Variants in CAMK2B observed in about 807,000 individuals in gnomAD.
CAMK2B encodes calcium/calmodulin dependent protein kinase II beta, also known as calcium/calmodulin-dependent protein kinase type II subunit beta.
In CAMK2B, 27 loss-of-function variants were observed where a neutral mutation model predicts 93.7. That is an observed-to-expected ratio of 0.29 (90% CI 0.21 to 0.40). The LOEUF (loss-of-function observed/expected upper bound fraction) is 0.40, where lower values mean the gene tolerates loss of function less well. CAMK2B is among the 10% of genes least tolerant of loss of function. The pLI, the probability that CAMK2B is intolerant of heterozygous loss-of-function variation, is 1.00. For synonymous variants in CAMK2B, 374 were observed against 358.8 expected (o/e 1.04, Z -0.48); for missense variants, 568 against 895.8 (o/e 0.63, Z 4.67).
At position 44,248,744 on chromosome 7, in the gene CAMK2B, G is replaced by C. The variant is rs1166815096; in HGVS notation, c.342-1552C>G. 6.6e-6 allele frequency among the ~76,000 whole-genome samples: 1 copy of C among 152,334 alleles called. No individual in the cohort carries two copies. Among genetic ancestry groups the C allele is most frequent in the East Asian group, 1.9e-4 (1 of 5,190 alleles). On this transcript the variant is annotated intron_variant, in intron 5 of 23. Transcript: ENST00000395749. The surrounding 1 kb of genome is among the most constrained non-coding windows in gnomAD (Gnocchi z 4.1). Reference sequence around the variant, plus strand: ...CACCCGTCTTGGTCCCATCTGTACAGCGTCAGCCATTGCATTAAAAAGTGA... The same window carrying C: ...CACCCGTCTTGGTCCCATCTGTACACCGTCAGCCATTGCATTAAAAAGTGA...
intron 17 of CAMK2B, chr7:44,229,849 G>A (rs2096561664): frequency 4.5e-6 from 1 of 222,450 alleles, no homozygotes. Flanking sequence ...GGCGCACGGA[G>A]AGGGAGTGAC....
chr7:44,268,075 G>A (rs1174300282), intron 2 of CAMK2B: 1 of 152,270 alleles, frequency 6.6e-6, no homozygotes, highest in Non-Finnish European at 1.5e-5. Flanking sequence ...GAAAGACAGG[G>A]AAGAGAAGCA....
At chr7:44,281,813 C>T (rs1194227846) in intron 2 of CAMK2B, among the ~76,000 whole-genome samples, 1 of 152,170 alleles carries the variant, frequency 6.6e-6, no homozygotes, top group Non-Finnish European at 1.5e-5. Context: ...CTCATCGAAG[C>T]TGACCCTTGG....
In CAMK2B at chr7:44,311,766, G is replaced by A. The variant is rs1793620270; in HGVS notation, c.65+13591C>T. 6.6e-6 allele frequency among the ~76,000 whole-genome samples: 1 copy of A among 152,222 alleles called. No individual in the cohort carries two copies. The highest frequency in any genetic ancestry group is 1.5e-5 in the Non-Finnish European group (1 of 68,028). Reference sequence around the variant, plus strand: ...GGAAACCAGAGGCCTTCAGGCCTGGGTCTCTGCTCCCACCTGCAGACAGGA... The same window carrying A: ...GGAAACCAGAGGCCTTCAGGCCTGGATCTCTGCTCCCACCTGCAGACAGGA... On this transcript the variant is annotated intron_variant, in intron 1 of 23. Coordinates refer to ENST00000395749, the MANE Select transcript of CAMK2B (RefSeq NM_001220.5). The surrounding 1 kb of genome is among the most constrained non-coding windows in gnomAD (Gnocchi z 4.2).
intron 1 of CAMK2B, among the ~76,000 whole-genome samples, chr7:44,307,505 T>C (rs1294324160): frequency 1.3e-5 from 2 of 151,906 alleles, no homozygotes; most frequent in East Asian, 1.9e-4. Flanking sequence ...TCCTGTGTCA[T>C]TGGCGCCATC....
At chr7:44,291,653 A>G (rs1311490183) in intron 1 of CAMK2B, among the ~76,000 whole-genome samples, 1 of 152,242 alleles carries the variant, frequency 6.6e-6, no homozygotes, top group Non-Finnish European at 1.5e-5. Context: ...CTGAGATCAT[A>G]TACTCACTTA....
At chr7:44,287,113 C>A (rs1243858979) in intron 1 of CAMK2B, among the ~76,000 whole-genome samples, 1 of 152,048 alleles carries the variant, frequency 6.6e-6, no homozygotes, top group South Asian at 2.1e-4. Context: ...AGGTGGCCAG[C>A]TGGGGGAAGG....
chr7:44,279,745 T>C (rs959234123), intron 2 of CAMK2B, among the ~76,000 whole-genome samples: 2 of 152,216 alleles, frequency 1.3e-5, no homozygotes, highest in African/African-American at 4.8e-5. Context: ...CCCACTACCC[T>C]AAATCCTTCT....
In CAMK2B at chr7:44,311,311, A is replaced by G. The variant is rs879873878; in HGVS notation, c.65+14046T>C. 6.6e-6 allele frequency among the ~76,000 whole-genome samples: 1 copy of G among 152,194 alleles called. No individual in the cohort carries two copies. Among genetic ancestry groups the G allele is most frequent in the Non-Finnish European group, 1.5e-5 (1 of 68,028 alleles). ...GGCTGGTCTCGAACTCCTGACTTCA[A>G]GTGATCCGCCCATCTCGGCCTCCCA... On this transcript the variant is annotated intron_variant, in intron 1 of 23. Transcript: ENST00000395749. This position sits in a 1 kb window ranked among gnomAD's most constrained non-coding sequence, Gnocchi z 4.2.
intron 6 of CAMK2B, among the ~76,000 whole-genome samples, 157 bp downstream of exon 6, chr7:44,246,963 C>T (rs1194761153): frequency 2.0e-5 from 3 of 151,910 alleles, no homozygotes; most frequent in African/African-American, 7.2e-5. Flanking sequence ...TGCATGCACA[C>T]ACTCCTCCAT....
At chr7:44,234,287 G>A (rs1383478893) in intron 15 of CAMK2B, 103 bp downstream of exon 15, 8 of 1,048,218 alleles carry the variant, frequency 7.6e-6, no homozygotes, top group Non-Finnish European at 1.1e-5. Flanking sequence ...GACAGGCCAG[G>A]CGGGGCCAGA....
intron 13 of CAMK2B, among the ~76,000 whole-genome samples, chr7:44,239,099 G>T (rs2096652101): frequency 6.6e-6 from 1 of 152,234 alleles, no homozygotes; most frequent in African/African-American, 2.4e-5. Context: ...TGTCCTGGGG[G>T]GATGCTCAGG....
At chr7:44,223,673 C>T (rs1446838229) in intron 20 of CAMK2B, among the ~76,000 whole-genome samples, 1 of 151,936 alleles carries the variant, frequency 6.6e-6, no homozygotes, top group East Asian at 1.9e-4. Context: ...CATGCCTCCA[C>T]TTTCACCTGT....
At chr7:44,222,037 CG>C (rs1486740165) in intron 20 of CAMK2B, among the ~76,000 whole-genome samples, 1 of 152,192 alleles carries the variant, frequency 6.6e-6, no homozygotes, top group African/African-American at 2.4e-5. Context: ...GGTCCCTAGC[CG>C]TATCTGCGAG....
At chr7:44,303,855 A>G (rs1424109036) in intron 1 of CAMK2B, among the ~76,000 whole-genome samples, 1 of 152,234 alleles carries the variant, frequency 6.6e-6, no homozygotes, top group Non-Finnish European at 1.5e-5. Context: ...CACCTATCTG[A>G]TAAGACTGGT....
chr7:44,227,819 G>C (rs1438105443), intron 19 of CAMK2B, among the ~76,000 whole-genome samples: 1 of 124,084 alleles, frequency 8.1e-6, no homozygotes, highest in Non-Finnish European at 1.7e-5. Flanking sequence ...AGAATGTGAG[G>C]GGCAGAGCAG....
intron 1 of CAMK2B, among the ~76,000 whole-genome samples, chr7:44,294,598 G>T (rs1273660570): frequency 6.6e-6 from 1 of 152,174 alleles, no homozygotes; most frequent in Non-Finnish European, 1.5e-5. Flanking sequence ...GAGTCAACAG[G>T]CTACCTCCTG....
chr7:44,314,221 A>G (rs537554909), intron 1 of CAMK2B, among the ~76,000 whole-genome samples: 10 of 152,340 alleles, frequency 6.6e-5, no homozygotes, highest in African/African-American at 2.4e-4. Context: ...ATCCATTACC[A>G]CAATCTAAGT....
intron 2 of CAMK2B, among the ~76,000 whole-genome samples, chr7:44,265,860 G>T (rs2096917379): frequency 6.6e-6 from 1 of 151,846 alleles, no homozygotes; most frequent in Non-Finnish European, 1.5e-5. Context: ...CAGTAAGTTA[G>T]AGCTCAGAGA....
Sources: gnomAD v4.1 joint callset for allele counts (sites outside exome capture counted in the v4.1 genomes callset) on GRCh38, gnomAD v4.1.1 for gene constraint, Gnocchi (gnomAD v3.1) non-coding constraint, MANE v1.5 for transcripts, NCBI Gene and HGNC (gene_info 2026-07-23, HGNC 2026-07-21) for gene names.